Variants in NXPE2 observed in about 807,000 individuals in gnomAD.
The protein encoded by NXPE2 is neurexophilin and PC-esterase domain family member 2.
Under a neutral mutation model 34.4 loss-of-function variants are expected in NXPE2, and 34 were observed. That is an observed-to-expected ratio of 0.99 (90% CI 0.75 to 1.31). The LOEUF is 1.31. NXPE2 is among the 40% of genes most tolerant of loss of function. The probability of loss-of-function intolerance (pLI) is 0.00; values close to 1 mark genes in which losing one functional copy is unlikely to be tolerated. For synonymous variants in NXPE2, 235 were observed against 231.3 expected, an observed-to-expected ratio of 1.02 and a Z score of -0.15; for missense variants, 649 against 672.5, an observed-to-expected ratio of 0.97 and a Z score of 0.39.
chr11:114,526,899 G>T, the NXPE2 span, among the ~76,000 whole-genome samples: 1 of 152,086 alleles, frequency 6.6e-6, no homozygotes, highest in Non-Finnish European at 1.5e-5. Context: ...CTTAAATCCA[G>T]CAACACTACC....
the NXPE2 span, among the ~76,000 whole-genome samples, chr11:114,633,183 T>C: frequency 2.3e-5 from 3 of 129,464 alleles, no homozygotes; most frequent in Non-Finnish European, 4.6e-5. Context: ...TTTATATGAT[T>C]ATATTTTATT....
the NXPE2 span, among the ~76,000 whole-genome samples, chr11:114,644,775 A>C: frequency 0.092 from 13,966 of 151,966 alleles, 761 homozygotes; most frequent in Middle Eastern, 0.2. Context: ...ATACATATCT[A>C]AATCTGCAGA....
At chr11:114,753,105 T>C in the NXPE2 span, among the ~76,000 whole-genome samples, 7 of 152,192 alleles carry the variant, frequency 4.6e-5, no homozygotes, top group Non-Finnish European at 8.8e-5. Context: ...GAGTGTCAAA[T>C]GCTAGTGAAA....
the NXPE2 span, among the ~76,000 whole-genome samples, chr11:114,729,573 T>A: frequency 6.6e-6 from 1 of 152,022 alleles, no homozygotes; most frequent in African/African-American, 2.4e-5. Flanking sequence ...CCAGCATCGG[T>A]TGCTTTTTGA....
At chr11:114,696,914 T>G (rs1031019575) in intron 2 of NXPE2, among the ~76,000 whole-genome samples, 1 of 152,196 alleles carries the variant, frequency 6.6e-6, no homozygotes, top group African/African-American at 2.4e-5. Context: ...TTTTTTCTTG[T>G]ACATAAATAT....
At chr11:114,595,622 A>G in the NXPE2 span, 1 of 152,324 alleles carries the variant, frequency 6.6e-6, no homozygotes, top group African/African-American at 2.4e-5. Context: ...AATCCCATAC[A>G]TAGACTCTCT....
At chr11:114,592,650 T>A in the NXPE2 span, among the ~76,000 whole-genome samples, 1 of 152,014 alleles carries the variant, frequency 6.6e-6, no homozygotes, top group Non-Finnish European at 1.5e-5. Context: ...AAAATACCAA[T>A]AATATTCTTC....
At chr11:114,615,261 T>G in the NXPE2 span, among the ~76,000 whole-genome samples, 1 of 151,952 alleles carries the variant, frequency 6.6e-6, no homozygotes, top group Non-Finnish European at 1.5e-5. Flanking sequence ...GGATTATAAG[T>G]ATTTCCTTGT....
At chr11:114,653,918 A>G in the NXPE2 span, among the ~76,000 whole-genome samples, 1 of 152,124 alleles carries the variant, frequency 6.6e-6, no homozygotes, top group African/African-American at 2.4e-5. Flanking sequence ...TAAACTAGAG[A>G]GGAAGTTCCC....
At chr11:114,481,463 G>A in the NXPE2 span, among the ~76,000 whole-genome samples, 1 of 152,102 alleles carries the variant, frequency 6.6e-6, no homozygotes, top group East Asian at 1.9e-4. Flanking sequence ...CTTAGAACAT[G>A]TGAAGAGGGC....
the NXPE2 span, among the ~76,000 whole-genome samples, chr11:114,794,858 C>A: frequency 6.6e-6 from 1 of 151,646 alleles, no homozygotes; most frequent in Non-Finnish European, 1.5e-5. Context: ...CCCGCCCCCC[C>A]CAACCCCATC....
chr11:114,586,925 T>G, the NXPE2 span, among the ~76,000 whole-genome samples: 1 of 152,168 alleles, frequency 6.6e-6, no homozygotes, highest in South Asian at 2.1e-4. Context: ...TTGCCGTTTT[T>G]GTGATTTTCT....
In NXPE2 at chr11:114,706,514, T is replaced by G; in HGVS notation, c.1264T>G (p.Leu422Val). The G allele has an allele frequency of 1.3e-6, 2 of 1,551,828 alleles. No individual in the cohort carries two copies. The highest frequency in any genetic ancestry group is 1.7e-6 in the Non-Finnish European group (2 of 1,146,972). ...KHGHPFVTKK[L>V]FSVKDENYIP... ...TGGTCATCCATTTGTTACCAAAAAA[T>G]TATTCTCAGTGAAAGATGAAAACTA... Residue 422 changes from leucine (L) to valine (V), a missense_variant, in exon 6 of 6, where the codon TTA becomes GTA. By Grantham distance (32) the Leu-to-Val change is conservative. Transcript: ENST00000389586.
chr11:114,491,700 A>T, the NXPE2 span, among the ~76,000 whole-genome samples: 1 of 152,194 alleles, frequency 6.6e-6, no homozygotes, highest in African/African-American at 2.4e-5. Flanking sequence ...CTATAAAGAC[A>T]CATGCACACG....
chr11:114,623,073 T>C, the NXPE2 span, among the ~76,000 whole-genome samples: 1 of 152,146 alleles, frequency 6.6e-6, no homozygotes, highest in Admixed American at 6.5e-5. Flanking sequence ...GGGTAACCAC[T>C]GTTATCTGGT....
At chr11:114,530,340 G>T in the NXPE2 span, 1 of 1,614,196 alleles carries the variant, frequency 6.2e-7, no homozygotes. Flanking sequence ...TGAGTTTAGG[G>T]TCAGGCCACA....
At chr11:114,739,570 T>A in the NXPE2 span, among the ~76,000 whole-genome samples, 1 of 152,122 alleles carries the variant, frequency 6.6e-6, no homozygotes, top group African/African-American at 2.4e-5. Context: ...AAGCTAATTT[T>A]GTGTGTATGT....
the NXPE2 span, among the ~76,000 whole-genome samples, chr11:114,481,351 T>C: frequency 6.6e-6 from 1 of 152,314 alleles, no homozygotes; most frequent in South Asian, 2.1e-4. Context: ...CAGATTTTGG[T>C]AAGGTTTTAA....
the NXPE2 span, among the ~76,000 whole-genome samples, chr11:114,770,232 CTGG>C: frequency 2.0e-5 from 3 of 152,292 alleles, no homozygotes; most frequent in South Asian, 6.2e-4. Flanking sequence ...TGAGGTCAGT[CTGG>C]TGGTTTTCTT....
Sources: gnomAD v4.1 joint callset for allele counts (sites outside exome capture counted in the v4.1 genomes callset) on GRCh38, gnomAD v4.1.1 for gene constraint, MANE v1.5 for transcripts, NCBI Gene and HGNC (gene_info 2026-07-23, HGNC 2026-07-21) for gene names.